The following MYO16 variants were observed in gnomAD, a reference collection of about 807,000 sequenced individuals.
The protein encoded by MYO16 is unconventional myosin-XVI.
A neutral mutation model predicts 205.3 loss-of-function variants in MYO16; 94 were observed. The observed-to-expected ratio is 0.46, with a 90% CI of 0.39 to 0.54. The LOEUF (loss-of-function observed/expected upper bound fraction) is 0.54. MYO16 is among the 20% of genes least tolerant of loss of function. MYO16 has a pLI of 0.00. For missense variants in MYO16, 2,315 were observed against 2,387.5 expected (o/e 0.97, Z 0.63); for synonymous variants, 988 against 954.0 (o/e 1.04, Z -0.66).
intron 16 of MYO16, among the ~76,000 whole-genome samples, chr13:108,952,511 C>T (rs574098150): frequency 6.6e-6 from 1 of 152,310 alleles, no homozygotes; most frequent in African/African-American, 2.4e-5. Context: ...CTCAAAAACA[C>T]CCAGTGGAGA....
At position 109,141,057 on chromosome 13, in the gene MYO16, G is replaced by C. The variant is rs1877060426; in HGVS notation, c.4845G>C (p.Leu1615Phe). Residue 1615 changes from leucine to phenylalanine, a missense_variant, in exon 32 of 35, where the codon TTG (leucine) becomes TTC (phenylalanine). This residue lies in a region of MYO16 where 1,097 missense variants were observed against 1,092.0 expected (regional missense o/e 1.00). Coordinates refer to ENST00000457511, the MANE Select transcript of MYO16 (RefSeq NM_001198950.3). The surrounding 1 kb of genome is among the most constrained non-coding windows in gnomAD (Gnocchi z 4.1). ...CGCCCTACAGGCCCTGCGCGCACTT[G>C]GCCTTCCCGCCGGAGCCCGCCCCGG... is the stretch of plus-strand genomic sequence containing the variant. ...PPAPYRPCAHLAFPPEPAPVN... is the reference protein window; with the variant it reads ...PPAPYRPCAHFAFPPEPAPVN... The C allele has an allele frequency of 7.0e-7, 1 of 1,422,946 alleles. No individual in the cohort carries two copies. The highest frequency in any genetic ancestry group is 1.5e-5 in the African/African-American group (1 of 66,388). The allele number at this position is 1,422,946 out of a possible 1,614,324, so 88.1% of individuals were successfully genotyped here.
At chr13:108,690,701 C>G (rs1038138686) in intron 2 of MYO16, among the ~76,000 whole-genome samples, 1 of 152,004 alleles carries the variant, frequency 6.6e-6, no homozygotes, top group African/African-American at 2.4e-5. Context: ...ATCAGTGTGG[C>G]CAAATGTCAC....
intron 6 of MYO16, among the ~76,000 whole-genome samples, chr13:108,799,425 C>A (rs570622899): frequency 6.6e-6 from 1 of 152,134 alleles, no homozygotes; most frequent in Non-Finnish European, 1.5e-5. Context: ...GCTTCTATAT[C>A]ATTCCACTAA....
chr13:108,636,442 C>A (rs1184380607), intron 1 of MYO16, among the ~76,000 whole-genome samples: 1 of 138,276 alleles, frequency 7.2e-6, no homozygotes, highest in Non-Finnish European at 1.5e-5. Flanking sequence ...TGCAGTGGCA[C>A]AATCTCAGCT....
intron 1 of MYO16, among the ~76,000 whole-genome samples, chr13:108,599,691 T>G (rs1387306053): frequency 6.6e-6 from 1 of 152,168 alleles, no homozygotes; most frequent in African/African-American, 2.4e-5. Flanking sequence ...GCTGTGAGGT[T>G]TCTGTGAATT....
chr13:108,504,009 T>C, the MYO16 span, among the ~76,000 whole-genome samples: 1 of 152,222 alleles, frequency 6.6e-6, no homozygotes, highest in African/African-American at 2.4e-5. Flanking sequence ...TTTTAAATTG[T>C]GGTAAAAAAC....
intron 1 of MYO16, among the ~76,000 whole-genome samples, chr13:108,648,364 G>A (rs1880847937): frequency 6.6e-6 from 1 of 152,038 alleles, no homozygotes; most frequent in Admixed American, 6.6e-5. Context: ...TCAACCCCAT[G>A]GCTATGTCTT....
At position 108,888,427 on chromosome 13, in the gene MYO16, A is replaced by G. The variant is rs748238514; in HGVS notation, c.1609A>G (p.Thr537Ala). 6.2e-6 allele frequency: 10 copies of G among 1,611,972 alleles called. No individual in the cohort carries two copies. The East Asian group carries it at 1.6e-4, about 25-fold the overall frequency. Residue 537 changes from threonine to alanine, a missense_variant, in exon 14 of 35, where the codon ACC (threonine) becomes GCC (alanine). This residue lies in a region of MYO16 where 1,213 missense variants were observed against 1,274.4 expected (regional missense o/e 0.95). Coordinates refer to ENST00000457511, the MANE Select transcript of MYO16 (RefSeq NM_001198950.3). ...EASKQIIRHL[T>A]CRAGASRATL... ...CAGCAAACAAATCATAAGACACCTC[A>G]CCTGCAGGGCTGGCGCCAGCAGGGC...
chr13:109,160,527 A>G (rs1299438149), intron 32 of MYO16, among the ~76,000 whole-genome samples: 2 of 152,006 alleles, frequency 1.3e-5, no homozygotes, highest in African/African-American at 4.8e-5. Flanking sequence ...GTCCAAACCA[A>G]CCCGTGTTTC....
rs532206840 is a variant in MYO16 at position 109,179,452 on chromosome 13, C to A, written c.5324-90C>A. 125 of 794,624 alleles carry A rather than the reference C, an allele frequency of 1.6e-4. 1 individual carries two copies. In the South Asian group the frequency reaches 1.8e-3, roughly 11 times the overall value. The allele number at this position is 794,624 out of a possible 1,614,324, so 49.2% of individuals were successfully genotyped here. ...CATCATTTCAATTCATAAAAGATAA[C>A]AATTCTAGTTTATTGTAATGAGTGC... On this transcript the variant is annotated intron_variant, in intron 33 of 34. Coordinates refer to ENST00000457511, the MANE Select transcript of MYO16 (RefSeq NM_001198950.3).
rs1045740190 is a variant in MYO16 at position 108,962,075 on chromosome 13, A to T, written c.2156-349A>T. 8.6e-5 allele frequency among the ~76,000 whole-genome samples: 13 copies of T among 152,028 alleles called. No individual in the cohort carries two copies. The East Asian group carries it at 1.3e-3, about 16-fold the overall frequency. ...CCTCGTTAGTCGCTCCCAGATTTTT[A>T]AAAAATACCTTAAAACCACAGATTG... is the stretch of plus-strand genomic sequence containing the variant. On this transcript the variant is annotated intron_variant, in intron 18 of 34. Coordinates refer to ENST00000457511, the MANE Select transcript of MYO16 (RefSeq NM_001198950.3).
chr13:109,169,574 A>G (rs1040032127), intron 33 of MYO16, among the ~76,000 whole-genome samples: 1 of 152,172 alleles, frequency 6.6e-6, no homozygotes, highest in Non-Finnish European at 1.5e-5. Context: ...AGAATATTAC[A>G]AACAGTTTTA....
At chr13:109,078,297 G>C (rs1012490250) in intron 27 of MYO16, among the ~76,000 whole-genome samples, 4 of 151,222 alleles carry the variant, frequency 2.6e-5, no homozygotes, top group African/African-American at 9.7e-5. Flanking sequence ...AAAATTACTA[G>C]GCATGGTGGC....
At chr13:108,548,680 G>C in the MYO16 span, among the ~76,000 whole-genome samples, 2 of 152,142 alleles carry the variant, frequency 1.3e-5, no homozygotes, top group East Asian at 3.9e-4. Context: ...AGGCAGTCTT[G>C]ATGGTGGTAA....
rs1457994212 is a variant in MYO16 at position 109,049,239 on chromosome 13, T to C, written c.2872+2248T>C. On this transcript the variant is annotated intron_variant, in intron 24 of 34. Transcript: ENST00000457511. ...TATAGAGTGACATGAAGAAAATGGT[T>C]TGTGGTCAGTGACTCCTTGTAATCC... Among the ~76,000 whole-genome samples the C allele has an allele frequency of 2.6e-5, 4 of 152,148 alleles. No homozygotes were observed. In the East Asian group the frequency reaches 7.7e-4, roughly 29 times the overall value.
chr13:109,114,085 AG>A (rs1233228755), intron 28 of MYO16, among the ~76,000 whole-genome samples: 63 of 152,286 alleles, frequency 4.1e-4, no homozygotes, highest in African/African-American at 1.4e-3. Context: ...TTCACTGGGG[AG>A]CAGCAACATA....
At chr13:108,650,447 G>A (rs1880949091) in intron 1 of MYO16, among the ~76,000 whole-genome samples, 1 of 152,120 alleles carries the variant, frequency 6.6e-6, no homozygotes, top group South Asian at 2.1e-4. Context: ...CAGAGAATTT[G>A]CCTATTAAAT....
intron 23 of MYO16, among the ~76,000 whole-genome samples, chr13:109,025,292 C>T (rs146059125): frequency 4.7e-4 from 72 of 152,298 alleles, no homozygotes; most frequent in African/African-American, 1.5e-3. Context: ...AGACCGGCCA[C>T]GCTTCAGAGT....
chr13:108,891,472 A>C (rs1880169657), intron 14 of MYO16, among the ~76,000 whole-genome samples: 1 of 152,352 alleles, frequency 6.6e-6, no homozygotes, highest in African/African-American at 2.4e-5. Context: ...ACAGAACATA[A>C]GATTTTCTAT....
Sources: gnomAD v4.1 joint callset for allele counts (sites outside exome capture counted in the v4.1 genomes callset) on GRCh38, gnomAD v4.1.1 for gene constraint, gnomAD v4.1.1 regional missense constraint, Gnocchi (gnomAD v3.1) non-coding constraint, MANE v1.5 for transcripts, NCBI Gene and HGNC (gene_info 2026-07-23, HGNC 2026-07-21) for gene names.